Variants in CACNG3 observed in about 807,000 individuals in gnomAD.
CACNG3 encodes voltage-dependent calcium channel gamma-3 subunit.
Under a neutral mutation model 28.5 loss-of-function variants are expected in CACNG3, and 3 were observed. That is an observed-to-expected ratio of 0.11 (90% CI 0.05 to 0.27). The LOEUF (loss-of-function observed/expected upper bound fraction) is 0.27. CACNG3 is among the 10% of genes least tolerant of loss of function. The probability of loss-of-function intolerance (pLI) is 1.00; values close to 1 mark genes in which losing one functional copy is unlikely to be tolerated. For missense variants in CACNG3, 236 were observed against 414.4 expected, an observed-to-expected ratio of 0.57 and a Z score of 3.74; for synonymous variants, 174 against 162.2, an observed-to-expected ratio of 1.07 and a Z score of -0.55.
chr16:24,326,008 A>C (rs1899536579), intron 1 of CACNG3, among the ~76,000 whole-genome samples: 1 of 152,182 alleles, frequency 6.6e-6, no homozygotes, highest in Admixed American at 6.5e-5. Flanking sequence ...CAAGATTCAG[A>C]TGGTCAACAC....
intron 1 of CACNG3, among the ~76,000 whole-genome samples, chr16:24,287,424 A>ATGAG (rs1898909460): frequency 6.7e-6 from 1 of 150,304 alleles, no homozygotes. Flanking sequence ...AGGCTGAGGC[A>ATGAG]TGAGAATCAC....
At chr16:24,315,122 C>A (rs1464093794) in intron 1 of CACNG3, among the ~76,000 whole-genome samples, 1 of 152,106 alleles carries the variant, frequency 6.6e-6, no homozygotes, top group Non-Finnish European at 1.5e-5. Context: ...ATCCCTGGTG[C>A]CTTTGCAATG....
intron 3 of CACNG3, among the ~76,000 whole-genome samples, chr16:24,360,529 C>T (rs759712437): frequency 2.0e-5 from 3 of 152,218 alleles, no homozygotes; most frequent in East Asian, 1.9e-4. Flanking sequence ...GATGAAAAGA[C>T]TTGGTAAGCT....
chr16:24,317,586 G>GAAAGGA (rs1555460532), intron 1 of CACNG3, among the ~76,000 whole-genome samples: 1 of 58,042 alleles, frequency 1.7e-5, no homozygotes, highest in East Asian at 4.8e-4. Context: ...AAGAAAGAAA[G>GAAAGGA]AAAGAAAGAA....
At chr16:24,291,779 A>C (rs574304164) in intron 1 of CACNG3, among the ~76,000 whole-genome samples, 4 of 152,162 alleles carry the variant, frequency 2.6e-5, no homozygotes, top group African/African-American at 9.7e-5. Flanking sequence ...TAATGGCACC[A>C]TCCGTGTATG....
At chr16:24,258,880 T>C (rs550819990) in intron 1 of CACNG3, among the ~76,000 whole-genome samples, 1 of 152,346 alleles carries the variant, frequency 6.6e-6, no homozygotes, top group Non-Finnish European at 1.5e-5. Context: ...TTCCTCATTA[T>C]GATCTATGAA....
At chr16:24,296,060 A>T (rs2141357511) in intron 1 of CACNG3, among the ~76,000 whole-genome samples, 1 of 152,318 alleles carries the variant, frequency 6.6e-6, no homozygotes, top group East Asian at 1.9e-4. Context: ...AAGGTGCATC[A>T]CACCAAAATA....
intron 2 of CACNG3, among the ~76,000 whole-genome samples, chr16:24,351,895 C>T (rs1274781120): frequency 1.4e-5 from 2 of 144,812 alleles, no homozygotes; most frequent in Non-Finnish European, 3.0e-5. Context: ...TCACTGCAAG[C>T]TCTGCCTCCT....
At chr16:24,354,604 C>T (rs987551272) in intron 2 of CACNG3, among the ~76,000 whole-genome samples, 3 of 152,180 alleles carry the variant, frequency 2.0e-5, no homozygotes, top group African/African-American at 2.4e-5. Flanking sequence ...AACACACATT[C>T]GATTATAAAA....
intron 3 of CACNG3, among the ~76,000 whole-genome samples, chr16:24,359,165 C>T (rs79994687): frequency 0.031 from 4,779 of 152,036 alleles, 131 homozygotes; most frequent in Non-Finnish European, 0.046. Flanking sequence ...AAACATGGCC[C>T]GGGGGAGTCA....
chr16:24,314,884 T>C (rs576601652), intron 1 of CACNG3, among the ~76,000 whole-genome samples: 181 of 152,126 alleles, frequency 1.2e-3, no homozygotes, highest in African/African-American at 4.1e-3. Context: ...CCGAGGGTTA[T>C]GATGATCGAA....
chr16:24,266,659 C>A (rs1026663184), intron 1 of CACNG3, among the ~76,000 whole-genome samples: 2 of 152,180 alleles, frequency 1.3e-5, no homozygotes, highest in African/African-American at 4.8e-5. Context: ...ATTTGACTAG[C>A]GTTTTGTGGG....
At chr16:24,330,981 A>T (rs1333206994) in intron 1 of CACNG3, among the ~76,000 whole-genome samples, 1 of 152,160 alleles carries the variant, frequency 6.6e-6, no homozygotes, top group Non-Finnish European at 1.5e-5. Flanking sequence ...TGGTTTTTGT[A>T]AACATCAAAT....
At chr16:24,322,203 C>T (rs1044643623) in intron 1 of CACNG3, among the ~76,000 whole-genome samples, 2 of 152,186 alleles carry the variant, frequency 1.3e-5, no homozygotes, top group African/African-American at 4.8e-5. Context: ...GACTCTCACT[C>T]TCCCATTTGG....
chr16:24,291,548 A>G (rs1460970337), intron 1 of CACNG3, among the ~76,000 whole-genome samples: 1 of 152,176 alleles, frequency 6.6e-6, no homozygotes, highest in Non-Finnish European at 1.5e-5. Flanking sequence ...GCTGAATGAA[A>G]GGCCACTTCA....
chr16:24,301,869 C>T (rs944309927), intron 1 of CACNG3, among the ~76,000 whole-genome samples: 4 of 152,186 alleles, frequency 2.6e-5, no homozygotes, highest in Admixed American at 6.5e-5. Flanking sequence ...GCCTATTCTC[C>T]TCCTCTGGAC....
chr16:24,361,813 A>G lies in CACNG3; in HGVS notation c.898A>G (p.Lys300Glu). The G allele has an allele frequency of 6.2e-7, 1 of 1,613,696 alleles. No individual in the cohort carries two copies. The highest frequency in any genetic ancestry group is 8.5e-7 in the Non-Finnish European group (1 of 1,180,010). Residue 300 changes from lysine (K) to glutamate (E), a missense_variant, in exon 4 of 4, where the codon AAA becomes GAA. Lys to Glu is a moderately conservative substitution (Grantham distance 56, BLOSUM62 1). Coordinates refer to ENST00000005284, the MANE Select transcript of CACNG3 (RefSeq NM_006539.4). The surrounding 1 kb of genome is among the most constrained non-coding windows in gnomAD (Gnocchi z 6.8). ...QFHNSTPKEF[K>E]ESLHNNPANR... ...CCACAATTCCACACCCAAAGAGTTC[A>G]AAGAGTCACTGCATAATAATCCGGC...
At chr16:24,359,387 G>A (rs1900077099) in intron 3 of CACNG3, among the ~76,000 whole-genome samples, 1 of 152,106 alleles carries the variant, frequency 6.6e-6, no homozygotes, top group Admixed American at 6.6e-5. Flanking sequence ...TTTCTTGCAG[G>A]CTGACACAGA....
intron 1 of CACNG3, among the ~76,000 whole-genome samples, chr16:24,313,384 G>A (rs902847511): frequency 2.0e-5 from 3 of 152,128 alleles, no homozygotes; most frequent in Non-Finnish European, 4.4e-5. Context: ...ATTTAAACTT[G>A]GACACTCTGG....
Sources: allele counts gnomAD v4.1 joint callset (sites outside exome capture counted in the v4.1 genomes callset), GRCh38; gene constraint gnomAD v4.1.1; non-coding constraint Gnocchi (gnomAD v3.1); transcripts MANE v1.5; gene names NCBI Gene and HGNC (gene_info 2026-07-23, HGNC 2026-07-21).